The following MOB3B variants were observed in gnomAD, a reference collection of about 807,000 sequenced individuals.
MOB3B encodes the protein MOB kinase activator-like 2B.
MOB3B carries 7 observed loss-of-function variants against 18.7 expected under a neutral mutation model. The observed-to-expected ratio is 0.37, with a 90% CI of 0.21 to 0.70. The LOEUF is 0.70. Among genes scored for constraint, MOB3B ranks in the 30% least tolerant of loss-of-function variants. The pLI, the probability that MOB3B is intolerant of heterozygous loss-of-function variation, is 0.52. For synonymous variants in MOB3B, 111 were observed against 99.9 expected (o/e 1.11, Z -0.66); for missense variants, 253 against 281.3 (o/e 0.90, Z 0.72).
At chr9:27,445,601 A>C (rs1245073466) in intron 2 of MOB3B, among the ~76,000 whole-genome samples, 2 of 152,170 alleles carry the variant, frequency 1.3e-5, no homozygotes, top group African/African-American at 4.8e-5. Flanking sequence ...GAGATGCCAA[A>C]TATGGATGGC....
At chr9:27,524,473 G>A in intron 1 of MOB3B, 1 of 1,614,070 alleles carries the variant, frequency 6.2e-7, no homozygotes, top group South Asian at 1.1e-5. Flanking sequence ...CAAAATCTGA[G>A]ACATCTGAGT....
intron 2 of MOB3B, among the ~76,000 whole-genome samples, chr9:27,377,350 T>G (rs1317550687): frequency 6.6e-6 from 1 of 152,152 alleles, no homozygotes; most frequent in African/African-American, 2.4e-5. Context: ...TCTCCCAGGA[T>G]GAGACGATGA....
intron 2 of MOB3B, among the ~76,000 whole-genome samples, chr9:27,383,811 T>C (rs1821613323): frequency 6.6e-6 from 1 of 152,216 alleles, no homozygotes; most frequent in South Asian, 2.1e-4. Context: ...AGTGGGTACT[T>C]ATTAAATGGT....
rs925623350 is a variant in MOB3B at position 27,491,688 on chromosome 9, A to G, written c.-198-35940T>C. On this transcript the variant is annotated intron_variant, in intron 1 of 3. Transcript: ENST00000262244. The stretch of plus-strand genomic sequence containing the variant: ...GGAGATTGAGACCATCCTGGCTAAC[A>G]TGGTGAAACCCCATCTCTACTAAAA... Among the ~76,000 whole-genome samples the G allele has an allele frequency of 1.5e-4, 23 of 152,304 alleles. 1 individual carries two copies. Among genetic ancestry groups the G allele is most frequent in the African/African-American group, 4.3e-4 (18 of 41,564 alleles).
chr9:27,450,863 T>C (rs1030144492), intron 2 of MOB3B, among the ~76,000 whole-genome samples: 27 of 152,172 alleles, frequency 1.8e-4, no homozygotes, highest in African/African-American at 6.5e-4. Context: ...TTGTAAGAAT[T>C]AAGAAACATT....
chr9:27,465,201 A>G (rs1005503669), intron 1 of MOB3B, among the ~76,000 whole-genome samples: 8 of 152,226 alleles, frequency 5.3e-5, no homozygotes, highest in African/African-American at 1.9e-4. Flanking sequence ...ATGTGCGTAC[A>G]GGTATTGGGT....
At position 27,457,927 on chromosome 9, in the gene MOB3B, G is replaced by A. The variant is rs192600673; in HGVS notation, c.-198-2179C>T. 1.0e-3 allele frequency among the ~76,000 whole-genome samples: 156 copies of A among 152,252 alleles called. 1 individual carries two copies. Among genetic ancestry groups the A allele is most frequent in the African/African-American group, 3.6e-3 (151 of 41,546 alleles). On this transcript the variant is annotated intron_variant, in intron 1 of 3. Transcript: ENST00000262244. ...TACCTTCCTAAAAGAGACTTAGCTT[G>A]CCTGAAAACAGGCTTAAGAAACCTG...
At chr9:27,524,090 G>C (rs1820385836) in intron 1 of MOB3B, among the ~76,000 whole-genome samples, 1 of 135,160 alleles carries the variant, frequency 7.4e-6, no homozygotes, top group South Asian at 2.4e-4. Context: ...GTAATTCTTT[G>C]CTCATTTTTC....
intron 1 of MOB3B, among the ~76,000 whole-genome samples, chr9:27,472,635 G>T (rs189683422): frequency 7.2e-6 from 1 of 139,704 alleles, no homozygotes; most frequent in Non-Finnish European, 1.5e-5. Flanking sequence ...ACAGGTATCT[G>T]GTAAAAGCTC....
At position 27,330,417 on chromosome 9, in the gene MOB3B, T is replaced by TA; in HGVS notation, c.*169dup. ...TCTGGGCTAGCAGCACTCAGAAGGTTAAGAGCACACAAAGTGAGTGGGGAA... is the reference window on the plus strand; with the variant it reads ...TCTGGGCTAGCAGCACTCAGAAGGTTAAAGAGCACACAAAGTGAGTGGGGAA... On this transcript the variant is annotated 3_prime_UTR_variant, in exon 4 of 4. Coordinates refer to ENST00000262244, the MANE Select transcript of MOB3B (RefSeq NM_024761.5). 1 of 805,184 alleles carries TA rather than the reference T, an allele frequency of 1.2e-6. No individual in the cohort carries two copies. The highest frequency in any genetic ancestry group is 1.8e-5 in the South Asian group (1 of 54,462). The allele number at this position is 805,184 out of a possible 1,614,324, so 49.9% of individuals were successfully genotyped here.
At chr9:27,458,497 T>C (rs1819224744) in intron 1 of MOB3B, among the ~76,000 whole-genome samples, 1 of 149,202 alleles carries the variant, frequency 6.7e-6, no homozygotes, top group East Asian at 2.0e-4. Context: ...GAGATACTCA[T>C]ATAACAAATT....
intron 2 of MOB3B, among the ~76,000 whole-genome samples, chr9:27,432,375 C>G (rs1294833833): frequency 6.6e-6 from 1 of 152,132 alleles, no homozygotes; most frequent in African/African-American, 2.4e-5. Flanking sequence ...TGTAAAAGTT[C>G]TATTCAGTAT....
intron 1 of MOB3B, among the ~76,000 whole-genome samples, chr9:27,494,038 C>A (rs554607204): frequency 3.3e-5 from 5 of 152,234 alleles, no homozygotes; most frequent in African/African-American, 9.6e-5. Flanking sequence ...TTATAAACAG[C>A]CCCCACCCAG....
intron 1 of MOB3B, among the ~76,000 whole-genome samples, chr9:27,517,732 A>T (rs2131505151): frequency 6.6e-6 from 1 of 152,072 alleles, no homozygotes; most frequent in Non-Finnish European, 1.5e-5. Flanking sequence ...CTCATAAGAT[A>T]AAATACTGAA....
intron 2 of MOB3B, among the ~76,000 whole-genome samples, chr9:27,387,486 G>C (rs575260637): frequency 6.6e-6 from 1 of 152,280 alleles, no homozygotes; most frequent in South Asian, 2.1e-4. Flanking sequence ...TAGTGCCAAA[G>C]TCACTGTGCT....
At chr9:27,519,444 C>T (rs547964565) in intron 1 of MOB3B, among the ~76,000 whole-genome samples, 1 of 152,264 alleles carries the variant, frequency 6.6e-6, no homozygotes, top group Admixed American at 6.5e-5. Context: ...TTTTATAATC[C>T]TGTATTGCCA....
intron 1 of MOB3B, among the ~76,000 whole-genome samples, chr9:27,509,265 T>C (rs1399890272): frequency 6.6e-6 from 1 of 151,876 alleles, no homozygotes; most frequent in Admixed American, 6.6e-5. Flanking sequence ...AACACATATT[T>C]GCTATAGGAA....
chr9:27,357,146 G>GTT (rs201108645), intron 3 of MOB3B, among the ~76,000 whole-genome samples: 6 of 48,134 alleles, frequency 1.2e-4, no homozygotes, highest in African/African-American at 4.7e-4. Context: ...ATATATATAT[G>GTT]TGTTTTTTTT....
rs55684272 is a variant in MOB3B, at chr9:27,420,548, C to CATATAT, written c.418+34579_418+34584dup. ...ATCTATATATTCCATCTGTATATTC[C>CATATAT]ATATATATATATATATATATATATA... On this transcript the variant is annotated intron_variant, in intron 2 of 3. Coordinates refer to ENST00000262244, the MANE Select transcript of MOB3B (RefSeq NM_024761.5). Among the ~76,000 whole-genome samples, 48 of 31,072 alleles carry CATATAT rather than the reference C, an allele frequency of 1.5e-3. 1 individual carries two copies. The highest frequency in any genetic ancestry group is 2.7e-3 in the East Asian group (3 of 1,132). 20.4% of individuals were successfully genotyped at this position (31,072 alleles called of 152,430 possible). A position where few individuals can be genotyped will look rare whatever the true frequency, so the allele number is the denominator to read the frequency against.
Sources: gnomAD v4.1 joint callset for allele counts (sites outside exome capture counted in the v4.1 genomes callset) on GRCh38, gnomAD v4.1.1 for gene constraint, MANE v1.5 for transcripts, NCBI Gene and HGNC (gene_info 2026-07-23, HGNC 2026-07-21) for gene names.